The following CREB5 variants were observed in gnomAD, a reference collection of about 807,000 sequenced individuals.
CREB5 encodes cAMP responsive element binding protein 5.
A neutral mutation model predicts 57.1 loss-of-function variants in CREB5; 19 were observed. That is an observed-to-expected ratio of 0.33 (90% confidence interval 0.23 to 0.49). The LOEUF is 0.49. Among genes scored for constraint, CREB5 ranks in the 20% least tolerant of loss-of-function variants. CREB5 has a pLI of 0.99. For synonymous variants in CREB5, 238 were observed against 238.3 expected, an observed-to-expected ratio of 1.00 and a Z score of 0.01; for missense variants, 579 against 671.6, an observed-to-expected ratio of 0.86 and a Z score of 1.52.
At chr7:28,549,259 T>G (rs1794530793) in intron 4 of CREB5, among the ~76,000 whole-genome samples, 1 of 152,242 alleles carries the variant, frequency 6.6e-6, no homozygotes, top group Non-Finnish European at 1.5e-5. Context: ...CTGATAATCT[T>G]GAGTTTTCTC....
At chr7:28,754,939 T>G (rs530467697) in intron 7 of CREB5, among the ~76,000 whole-genome samples, 2 of 152,302 alleles carry the variant, frequency 1.3e-5, no homozygotes, top group African/African-American at 4.8e-5. Context: ...CTGGAAAACT[T>G]TCACACCTGA....
chr7:28,336,856 G>T (rs904162109), intron 1 of CREB5, among the ~76,000 whole-genome samples: 1 of 151,238 alleles, frequency 6.6e-6, no homozygotes, highest in Non-Finnish European at 1.5e-5. Flanking sequence ...TCTTAGTACT[G>T]CTTTTGCTGT....
Position 28,475,180 on chromosome 7 carries a change from G to C in CREB5, c.4-12995G>C, listed in dbSNP as rs758392586. Among the ~76,000 whole-genome samples, 10 of 149,060 alleles carry C rather than the reference G, an allele frequency of 6.7e-5. 1 individual carries two copies. The highest frequency in any genetic ancestry group is 1.3e-4 in the Non-Finnish European group (9 of 67,556). On this transcript the variant is annotated intron_variant, in intron 1 of 10. Coordinates refer to ENST00000357727, the MANE Select transcript of CREB5 (RefSeq NM_182898.4). Reference sequence around the variant, plus strand: ...TTTTCTCAAGAGGCTGAAATGACCAGATCATTGATTATATTATGACTTCCT... The same window carrying C: ...TTTTCTCAAGAGGCTGAAATGACCACATCATTGATTATATTATGACTTCCT...
intron 10 of CREB5, 73 bp downstream of exon 10, chr7:28,818,252 T>G (rs1455511525): frequency 1.9e-6 from 2 of 1,032,998 alleles, no homozygotes; most frequent in Non-Finnish European, 3.0e-6. Context: ...TGAATTTGAT[T>G]GAAAGAGCAA....
Position 28,492,869 on chromosome 7 carries a change from G to A in CREB5, c.76-2037G>A, listed in dbSNP as rs557394730. On this transcript the variant is annotated intron_variant, in intron 2 of 10. Transcript: ENST00000357727. ...AGGCAACTCAGTCTCTAAATCACACGTGGTAGTGCTATGTATTTGGTGCAG... is the reference window on the plus strand; with the variant it reads ...AGGCAACTCAGTCTCTAAATCACACATGGTAGTGCTATGTATTTGGTGCAG... Among the ~76,000 whole-genome samples, 3 of 152,020 alleles carry A rather than the reference G, an allele frequency of 2.0e-5. No individual in the cohort carries two copies. The East Asian group carries it at 5.8e-4, about 29-fold the overall frequency.
At chr7:28,362,547 G>A (rs547456947) in intron 1 of CREB5, among the ~76,000 whole-genome samples, 1 of 152,218 alleles carries the variant, frequency 6.6e-6, no homozygotes, top group South Asian at 2.1e-4. Context: ...TTTTTCAAAG[G>A]CACGAAAGAC....
At chr7:28,683,387 A>T (rs1800698376) in intron 5 of CREB5, among the ~76,000 whole-genome samples, 1 of 152,188 alleles carries the variant, frequency 6.6e-6, no homozygotes, top group South Asian at 2.1e-4. Flanking sequence ...TATGTCCCGA[A>T]CAACAAGTGC....
At chr7:28,679,673 T>C (rs920587921) in intron 5 of CREB5, among the ~76,000 whole-genome samples, 3 of 152,238 alleles carry the variant, frequency 2.0e-5, no homozygotes, top group Admixed American at 2.0e-4. Flanking sequence ...GATGGTTGTC[T>C]TCCCACATTG....
intron 5 of CREB5, among the ~76,000 whole-genome samples, chr7:28,717,307 T>G (rs1013501874): frequency 4.6e-5 from 7 of 152,108 alleles, no homozygotes; most frequent in Admixed American, 2.6e-4. Context: ...TATATTTTCA[T>G]ATATACACCT....
At chr7:28,313,991 A>G (rs7781988) in intron 1 of CREB5, among the ~76,000 whole-genome samples, 2,915 of 152,310 alleles carry the variant, frequency 0.019, 91 homozygotes, top group African/African-American at 0.066. Context: ...GGCCATGCCA[A>G]AGCAACCCCC....
chr7:28,612,343 T>C (rs1351436095), intron 5 of CREB5, among the ~76,000 whole-genome samples: 1 of 152,126 alleles, frequency 6.6e-6, no homozygotes, highest in Non-Finnish European at 1.5e-5. Context: ...CTACAAGCCG[T>C]GGGTCTCTCA....
At position 28,825,075 on chromosome 7, in the gene CREB5, GA is replaced by G. The variant is rs1311712872; in HGVS notation, c.*5798del. The G allele has an allele frequency of 6.6e-6, 1 of 152,630 alleles. No individual in the cohort carries two copies. Among genetic ancestry groups the G allele is most frequent in the East Asian group, 1.9e-4 (1 of 5,200 alleles). The allele number at this position is 152,630 out of a possible 1,614,324, so 9.5% of individuals were successfully genotyped here. A position where few individuals can be genotyped will look rare whatever the true frequency, so the allele number is the denominator to read the frequency against. On this transcript the variant is annotated 3_prime_UTR_variant, in exon 11 of 11. Coordinates refer to ENST00000357727, the MANE Select transcript of CREB5 (RefSeq NM_182898.4). ...CCTCAGGACTGAGAATGTGGAAGCT[GA>G]ATAAATTAGCTTTAAATACATCATT...
At chr7:28,351,778 AAT>A (rs1786191519) in intron 1 of CREB5, among the ~76,000 whole-genome samples, 1 of 152,248 alleles carries the variant, frequency 6.6e-6, no homozygotes, top group Admixed American at 6.5e-5. Context: ...AGAAAAAAAA[AAT>A]CCTTGTTAAT....
intron 1 of CREB5, among the ~76,000 whole-genome samples, chr7:28,395,405 A>G (rs1787315443): frequency 6.6e-6 from 1 of 152,224 alleles, no homozygotes; most frequent in African/African-American, 2.4e-5. Flanking sequence ...GTTAGGAACA[A>G]AGAAAAGGAA....
chr7:28,524,477 G>C, intron 4 of CREB5, among the ~76,000 whole-genome samples: 1 of 152,144 alleles, frequency 6.6e-6, no homozygotes, highest in East Asian at 1.9e-4. Context: ...ACTCCAGCCC[G>C]GGTGACAGAG....
intron 5 of CREB5, among the ~76,000 whole-genome samples, chr7:28,624,435 A>C (rs1797922124): frequency 6.6e-6 from 1 of 152,196 alleles, no homozygotes; most frequent in African/African-American, 2.4e-5. Context: ...AATGATTAAT[A>C]AGTAATAATG....
At chr7:28,529,604 G>A (rs1435549657) in intron 4 of CREB5, among the ~76,000 whole-genome samples, 1 of 152,128 alleles carries the variant, frequency 6.6e-6, no homozygotes, top group African/African-American at 2.4e-5. Flanking sequence ...TCCAAGGTGG[G>A]AAAATAAAGA....
Position 28,592,456 on chromosome 7 carries a change from T to G in CREB5, c.464+21919T>G, listed in dbSNP as rs112024154. On this transcript the variant is annotated intron_variant, in intron 5 of 10. Coordinates refer to ENST00000357727, the MANE Select transcript of CREB5 (RefSeq NM_182898.4). The stretch of plus-strand genomic sequence containing the variant: ...TCTTAAGCAAATGTTTGAAACAGAT[T>G]AACTTAGAAGGTGTATTTAAATCTT... Among the ~76,000 whole-genome samples the G allele has an allele frequency of 6.8e-3, 1,034 of 152,294 alleles. 4 individuals are homozygous for G. Among genetic ancestry groups the G allele is most frequent in the Non-Finnish European group, 0.013 (862 of 68,032 alleles).
chr7:28,445,427 A>G (rs1228640458), intron 1 of CREB5, among the ~76,000 whole-genome samples: 1 of 152,142 alleles, frequency 6.6e-6, no homozygotes, highest in Non-Finnish European at 1.5e-5. Flanking sequence ...GAAAGAGGAA[A>G]TTACTTTGTT....
Sources: gnomAD v4.1 joint callset for allele counts (sites outside exome capture counted in the v4.1 genomes callset) on GRCh38, gnomAD v4.1.1 for gene constraint, MANE v1.5 for transcripts, NCBI Gene and HGNC (gene_info 2026-07-23, HGNC 2026-07-21) for gene names.